CEP95: variants seen among roughly 807,000 people sequenced by gnomAD.
The protein encoded by CEP95 is centrosomal protein 95.
A neutral mutation model predicts 111.2 loss-of-function variants in CEP95; 98 were observed. The observed-to-expected ratio is 0.88, with a 90% CI of 0.75 to 1.04. CEP95 has a LOEUF of 1.04. Among genes scored for constraint, CEP95 ranks in the 50% least tolerant of loss-of-function variants. The pLI is 0.00. For missense variants in CEP95, 1,027 were observed against 977.2 expected, an observed-to-expected ratio of 1.05 and a Z score of -0.68; for synonymous variants, 323 against 327.1, an observed-to-expected ratio of 0.99 and a Z score of 0.14.
chr17:64,524,039 C>T (rs971291300), intron 8 of CEP95, among the ~76,000 whole-genome samples: 10 of 152,084 alleles, frequency 6.6e-5, no homozygotes, highest in Non-Finnish European at 8.8e-5. Flanking sequence ...CAATAGGTGA[C>T]CACATTCTCA....
intron 14 of CEP95, 56 bp from the exon 15 acceptor site, chr17:64,532,783 T>C: frequency 6.4e-7 from 1 of 1,559,030 alleles, no homozygotes; most frequent in Non-Finnish European, 8.7e-7. Context: ...CCAGGGATGT[T>C]GGATGACAGT....
At chr17:64,536,781 C>CT in intron 18 of CEP95, 33 bp downstream of exon 18, 4 of 1,579,464 alleles carry the variant, frequency 2.5e-6, no homozygotes, top group Non-Finnish European at 3.4e-6. Context: ...CGCTGTTGTG[C>CT]TTAGTCCTGA....
chr17:64,509,612 A>G (rs888659487), intron 2 of CEP95, among the ~76,000 whole-genome samples: 3 of 152,214 alleles, frequency 2.0e-5, no homozygotes, highest in African/African-American at 7.2e-5. Context: ...TTGAGCCGGG[A>G]AAGTGGAGGT....
At chr17:64,507,343 A>G (rs767194187) in intron 1 of CEP95, 1 of 1,427,554 alleles carries the variant, frequency 7.0e-7, no homozygotes. Flanking sequence ...CACTGGGGCG[A>G]GGCCGGTAGG....
intron 3 of CEP95, among the ~76,000 whole-genome samples, chr17:64,513,664 G>C (rs2038999501): frequency 6.6e-6 from 1 of 152,132 alleles, no homozygotes; most frequent in African/African-American, 2.4e-5. Flanking sequence ...ATTTTAATCA[G>C]AAAAATGGTA....
intron 2 of CEP95, 120 bp from the exon 3 acceptor site, chr17:64,510,053 T>C (rs1555674392): frequency 1.6e-6 from 1 of 642,840 alleles, no homozygotes; most frequent in African/African-American, 1.8e-5. Context: ...CTTTACAGCA[T>C]GTTCTGTTTG....
intron 17 of CEP95, chr17:64,535,084 G>T: frequency 3.2e-6 from 1 of 311,308 alleles, no homozygotes; most frequent in East Asian, 8.4e-5. Context: ...CATAAAATCA[G>T]GACTAGTGTC....
At position 64,527,234 on chromosome 17, in the gene CEP95, G is replaced by T; in HGVS notation, c.1276G>T (p.Val426Leu). 6.2e-7 allele frequency: 1 copy of T among 1,613,168 alleles called. No homozygotes were observed. Among genetic ancestry groups the T allele is most frequent in the Non-Finnish European group, 8.5e-7 (1 of 1,179,532 alleles). The change falls in exon 11 of 20, where the codon GTG becomes TTG. Residue 426 changes from valine to leucine, a missense_variant. Val to Leu is a conservative substitution (Grantham distance 32). Coordinates refer to ENST00000556440, the MANE Select transcript of CEP95 (RefSeq NM_138363.3). Reference protein sequence around the residue: ...ETLSQHSDGIVEYGPKKSRPG... With the variant: ...ETLSQHSDGILEYGPKKSRPG... Reference sequence around the variant, plus strand: ...ACTGTCTCAGCACAGTGATGGCATCGTGGAGTATGGGCCAAAGAAGTCAAG... The same window carrying T: ...ACTGTCTCAGCACAGTGATGGCATCTTGGAGTATGGGCCAAAGAAGTCAAG...
intron 1 of CEP95, chr17:64,507,756 A>C (rs1000748155): frequency 5.1e-6 from 5 of 985,264 alleles, no homozygotes; most frequent in Non-Finnish European, 6.0e-6. Flanking sequence ...TGGAAAATAC[A>C]CTCTCATTCG....
chr17:64,534,518 TGAG>T, intron 16 of CEP95, 64 bp from the exon 17 acceptor site: 1 of 1,425,984 alleles, frequency 7.0e-7, no homozygotes, highest in Non-Finnish European at 9.8e-7. Context: ...GTGAGGCAGA[TGAG>T]AACGCTGGAA....
intron 1 of CEP95, chr17:64,507,943 ATG>A: frequency 1.0e-6 from 1 of 985,456 alleles, no homozygotes. Flanking sequence ...GGAGAGGAGA[ATG>A]TGGTACGCAG....
Position 64,537,604 on chromosome 17 carries a change from C to T in CEP95, c.2291C>T (p.Thr764Ile). 1 of 1,585,058 alleles carries T rather than the reference C, an allele frequency of 6.3e-7. No homozygotes were observed. The highest frequency in any genetic ancestry group is 8.6e-7 in the Non-Finnish European group (1 of 1,161,692). Reference sequence around the variant, plus strand: ...GGATGACATGCCTTCTTTTTTCAGACATTACATAAGGTGAAGAGGGAGCTG... The same window carrying T: ...GGATGACATGCCTTCTTTTTTCAGATATTACATAAGGTGAAGAGGGAGCTG... ...LKAREKSQAQ[T>I]LHKVKRELRS... The change falls in exon 20 of 20, where the codon ACA becomes ATA. Residue 764 changes from threonine (T) to isoleucine (I), a missense_variant and splice_region_variant. Thr to Ile is a moderately conservative substitution (Grantham distance 89, BLOSUM62 -1). Transcript: ENST00000556440.
chr17:64,506,816 A>G (rs1320251346), upstream of CEP95: 1 of 578,948 alleles, frequency 1.7e-6, no homozygotes, highest in Admixed American at 3.0e-5. Flanking sequence ...GGACCGTCCG[A>G]CCCGCGTGTC....
Position 64,526,148 on chromosome 17 carries a change from A to AATTAC in CEP95, c.1103_1107dup (p.Asp370TyrfsTer15), listed in dbSNP as rs782084732. On this transcript the variant is annotated frameshift_variant, in exon 10 of 20. Transcript: ENST00000556440. LOFTEE classifies it high-confidence loss of function. ...CCAAGAAAGAGATTAACAGAACAAG[A>AATTAC]ATTACATGATGTATCAGAAAAACTC... is the stretch of plus-strand genomic sequence containing the variant. 1.9e-6 allele frequency: 3 copies of AATTAC among 1,613,682 alleles called. No homozygotes were observed. In the East Asian group the frequency reaches 6.7e-5, roughly 36 times the overall value.
intron 12 of CEP95, among the ~76,000 whole-genome samples, chr17:64,530,258 C>T (rs1968168742): frequency 6.6e-6 from 1 of 152,058 alleles, no homozygotes. Context: ...TGGCAGTGCA[C>T]ACCTGTAGTC....
rs183957336 is a variant in CEP95 at position 64,524,514 on chromosome 17, C to T, written c.910-1256C>T. Among the ~76,000 whole-genome samples the T allele has an allele frequency of 8.2e-3, 1,251 of 152,092 alleles. 11 individuals are homozygous for T. Among genetic ancestry groups the T allele is most frequent in the Middle Eastern group, 0.014 (4 of 294 alleles). On this transcript the variant is annotated intron_variant, in intron 8 of 19. Coordinates refer to ENST00000556440, the MANE Select transcript of CEP95 (RefSeq NM_138363.3). Reference sequence around the variant, plus strand: ...TATTTTTAGTAGAGACGGGGTTTTGCCATGTTGGCCAGGCTGGTCTCAAAC... The same window carrying T: ...TATTTTTAGTAGAGACGGGGTTTTGTCATGTTGGCCAGGCTGGTCTCAAAC...
At position 64,529,306 on chromosome 17, in the gene CEP95, A is replaced by T; in HGVS notation, c.1325A>T (p.Lys442Met). Reference protein sequence around the residue: ...KSRPGLSMRRKPPYRSHSLSP... With the variant: ...KSRPGLSMRRMPPYRSHSLSP... ...GTTGCAGGACTTTCCATGCGTAGAA[A>T]GCCACCCTACAGATCCCATTCGCTC... is the stretch of plus-strand genomic sequence containing the variant. Residue 442 changes from lysine to methionine, a missense_variant, in exon 12 of 20, where the codon AAG becomes ATG. By Grantham distance (95) the Lys-to-Met change is moderately conservative. Transcript: ENST00000556440. The T allele has an allele frequency of 6.2e-7, 1 of 1,613,032 alleles. No individual in the cohort carries two copies.
At chr17:64,507,159 G>A (rs1163916629) in intron 1 of CEP95, 43 bp downstream of exon 1, 10 of 1,551,104 alleles carry the variant, frequency 6.4e-6, no homozygotes, top group Admixed American at 5.9e-5. Context: ...GACTGAAACC[G>A]TCCACCTCCA....
intron 7 of CEP95, among the ~76,000 whole-genome samples, chr17:64,522,212 A>G (rs1306464872): frequency 6.6e-6 from 1 of 152,220 alleles, no homozygotes; most frequent in African/African-American, 2.4e-5. Flanking sequence ...AGTAATACAT[A>G]AAAATATTAC....
Sources: gnomAD v4.1 joint callset for allele counts (sites outside exome capture counted in the v4.1 genomes callset) on GRCh38, gnomAD v4.1.1 for gene constraint, MANE v1.5 for transcripts, NCBI Gene and HGNC (gene_info 2026-07-23, HGNC 2026-07-21) for gene names.